PHACTR2: variants seen among roughly 807,000 people sequenced by gnomAD.
PHACTR2 encodes the protein chromosome 6 open reading frame 56.
In PHACTR2, 30 loss-of-function variants were observed where a neutral mutation model predicts 76.0. The ratio of observed to expected loss-of-function variants is 0.39; its 90% CI spans 0.30 to 0.54. The LOEUF (loss-of-function observed/expected upper bound fraction) is 0.54. PHACTR2 is among the 20% of genes least tolerant of loss of function. The pLI is 0.61. For missense variants in PHACTR2, 696 were observed against 781.1 expected, an observed-to-expected ratio of 0.89 and a Z score of 1.30; for synonymous variants, 292 against 292.5, an observed-to-expected ratio of 1.00 and a Z score of 0.02.
intron 12 of PHACTR2, among the ~76,000 whole-genome samples, chr6:143,810,946 T>C (rs1291381553): frequency 6.6e-6 from 1 of 152,242 alleles, no homozygotes; most frequent in African/African-American, 2.4e-5. Flanking sequence ...TATGTTGCAA[T>C]ATTTTTTCCA....
Position 143,776,395 on chromosome 6 carries a change from A to T in PHACTR2, c.1590-933A>T, listed in dbSNP as rs955178667. On this transcript the variant is annotated intron_variant, in intron 8 of 12. Transcript: ENST00000440869. This position sits in a 1 kb window ranked among gnomAD's most constrained non-coding sequence, Gnocchi z 5.3. ...CAGCAGGTTTGCTTGATGTAAGATT[A>T]ACCTATAAAAATCAACATTATGTTT... Among the ~76,000 whole-genome samples, 1 of 152,364 alleles carries T rather than the reference A, an allele frequency of 6.6e-6. No homozygotes were observed. Among genetic ancestry groups the T allele is most frequent in the South Asian group, 2.1e-4 (1 of 4,828 alleles).
intron 1 of PHACTR2, among the ~76,000 whole-genome samples, chr6:143,685,148 G>A (rs1195868511): frequency 6.6e-6 from 1 of 151,630 alleles, no homozygotes; most frequent in Non-Finnish European, 1.5e-5. Context: ...TACAGACTAG[G>A]GCTATTTCAA....
At position 143,772,177 on chromosome 6, in the gene PHACTR2, A is replaced by T; in HGVS notation, c.1233-81A>T. 1.1e-6 allele frequency: 1 copy of T among 918,848 alleles called. No homozygotes were observed. Among genetic ancestry groups the T allele is most frequent in the Non-Finnish European group, 1.8e-6 (1 of 554,490 alleles). 56.9% of individuals were successfully genotyped at this position (918,848 alleles called of 1,614,324 possible). On this transcript the variant is annotated intron_variant, in intron 6 of 12. Coordinates refer to ENST00000440869, the MANE Select transcript of PHACTR2 (RefSeq NM_001100164.2). The surrounding 1 kb of genome is among the most constrained non-coding windows in gnomAD (Gnocchi z 5.4). ...CAGCCTGAAGGAAGCCCATGAAACT[A>T]GAGCTCTTTTTCTTAGTGTCAGTGC...
At chr6:143,572,527 G>GT (rs1433901324) in intron 1 of PHACTR2, among the ~76,000 whole-genome samples, 1 of 151,686 alleles carries the variant, frequency 6.6e-6, no homozygotes, top group Non-Finnish European at 1.5e-5. Context: ...TTGTTTGTTT[G>GT]TTTTTTTGTT....
Position 143,641,985 on chromosome 6 carries a change from G to C in PHACTR2, c.13+33663G>C, listed in dbSNP as rs2128444232. On this transcript the variant is annotated intron_variant, in intron 1 of 11. Transcript: ENST00000305766. This position sits in a 1 kb window ranked among gnomAD's most constrained non-coding sequence, Gnocchi z 5.8. ...AATCGTGTTTGTCCCACTCATGCAT[G>C]GCCAACAGCTACATAGAGGTGAATT... Among the ~76,000 whole-genome samples the C allele has an allele frequency of 6.6e-6, 1 of 152,210 alleles. No individual in the cohort carries two copies. The highest frequency in any genetic ancestry group is 2.1e-4 in the South Asian group (1 of 4,822).
chr6:143,738,972 C>G lies in PHACTR2; in HGVS notation c.215-10013C>G, dbSNP rs374965693. Among the ~76,000 whole-genome samples, 4 of 152,314 alleles carry G rather than the reference C, an allele frequency of 2.6e-5. No homozygotes were observed. The highest frequency in any genetic ancestry group is 9.6e-5 in the African/African-American group (4 of 41,566). Reference sequence around the variant, plus strand: ...GAAGGGTGTTAGAAGTTCAGGCTCTCTGGAGCTTCTCTTCCAATGGCTATT... The same window carrying G: ...GAAGGGTGTTAGAAGTTCAGGCTCTGTGGAGCTTCTCTTCCAATGGCTATT... On this transcript the variant is annotated intron_variant, in intron 2 of 12. Coordinates refer to ENST00000440869, the MANE Select transcript of PHACTR2 (RefSeq NM_001100164.2). The surrounding 1 kb of genome is among the most constrained non-coding windows in gnomAD (Gnocchi z 4.0).
chr6:143,607,027 C>G (rs1775885408), upstream of PHACTR2, among the ~76,000 whole-genome samples: 1 of 152,132 alleles, frequency 6.6e-6, no homozygotes, highest in Non-Finnish European at 1.5e-5. Context: ...ATACTTAAAC[C>G]TAGAAGCTGT....
At position 143,663,089 on chromosome 6, in the gene PHACTR2, C is replaced by T. The variant is rs868504244; in HGVS notation, c.14-48927C>T. Among the ~76,000 whole-genome samples, 5 of 152,070 alleles carry T rather than the reference C, an allele frequency of 3.3e-5. No individual in the cohort carries two copies. Among genetic ancestry groups the T allele is most frequent in the Non-Finnish European group, 5.9e-5 (4 of 68,004 alleles). On this transcript the variant is annotated intron_variant, in intron 1 of 11. Transcript: ENST00000305766. This position sits in a 1 kb window ranked among gnomAD's most constrained non-coding sequence, Gnocchi z 4.1. ...AATATTCCCTGGTGTATTTGTACCA[C>T]GTTTTCTCTAGCCAGGCCCCCACTA...
intron 1 of PHACTR2, among the ~76,000 whole-genome samples, chr6:143,609,476 T>C (rs962354507): frequency 1.3e-5 from 2 of 152,132 alleles, no homozygotes; most frequent in African/African-American, 4.8e-5. Flanking sequence ...TGTGTAGTAG[T>C]AGCAGGAGTG....
chr6:143,649,363 C>T (rs1776716860), intron 1 of PHACTR2, among the ~76,000 whole-genome samples: 1 of 152,138 alleles, frequency 6.6e-6, no homozygotes, highest in African/African-American at 2.4e-5. Context: ...CATCCTGATA[C>T]CAAAACCTGG....
intron 2 of PHACTR2, among the ~76,000 whole-genome samples, chr6:143,726,514 C>G (rs1037758332): frequency 2.6e-5 from 4 of 152,288 alleles, no homozygotes; most frequent in African/African-American, 9.6e-5. Flanking sequence ...TAAGTGGACT[C>G]AGATAGTATT....
chr6:143,806,985 T>C lies in PHACTR2; in HGVS notation c.1846-72T>C. The stretch of plus-strand genomic sequence containing the variant: ...AAAAAAAAAAAAAGGTCTGCTTCAT[T>C]GATGCTGTATATACTGGGGCAATAT... On this transcript the variant is annotated intron_variant, in intron 11 of 12. Coordinates refer to ENST00000440869, the MANE Select transcript of PHACTR2 (RefSeq NM_001100164.2). The surrounding 1 kb of genome is among the most constrained non-coding windows in gnomAD (Gnocchi z 5.8). 2.7e-6 allele frequency: 2 copies of C among 753,498 alleles called. No homozygotes were observed. Among genetic ancestry groups the C allele is most frequent in the South Asian group, 1.8e-5 (1 of 56,644 alleles). 46.7% of individuals were successfully genotyped at this position (753,498 alleles called of 1,614,324 possible). A position where few individuals can be genotyped will look rare whatever the true frequency, so the allele number is the denominator to read the frequency against.
chr6:143,781,249 G>C (rs1219441800), intron 9 of PHACTR2, among the ~76,000 whole-genome samples: 2 of 152,192 alleles, frequency 1.3e-5, no homozygotes, highest in African/African-American at 4.8e-5. Flanking sequence ...TGTCAAAAAT[G>C]AATTCAATTC....
At position 143,546,868 on chromosome 6, in the gene PHACTR2, A is replaced by T. The variant is rs143102564; in HGVS notation, c.217+9661A>T. 4.6e-3 allele frequency among the ~76,000 whole-genome samples: 679 copies of T among 148,946 alleles called. 7 individuals are homozygous for T. The highest frequency in any genetic ancestry group is 0.01 in the Middle Eastern group (3 of 292). ...TAGTGAGACCCCATCTCAAAAAAAA[A>T]AAAAATAAAAAATAAAAAATTAGCC... On this transcript the variant is annotated intron_variant, in intron 1 of 11. Transcript: ENST00000367584. The surrounding 1 kb of genome is among the most constrained non-coding windows in gnomAD (Gnocchi z 4.9).
intron 1 of PHACTR2, among the ~76,000 whole-genome samples, chr6:143,582,010 G>A (rs1010317775): frequency 1.3e-5 from 2 of 152,126 alleles, no homozygotes; most frequent in Non-Finnish European, 2.9e-5. Flanking sequence ...ACAAAAGGCT[G>A]TACCGTCAAT....
At position 143,822,034 on chromosome 6, in the gene PHACTR2, G is replaced by A. The variant is rs139922692; in HGVS notation, c.1923-1640G>A. Among the ~76,000 whole-genome samples, 798 of 152,202 alleles carry A rather than the reference G, an allele frequency of 5.2e-3. 5 individuals carry two copies. Among genetic ancestry groups the A allele is most frequent in the African/African-American group, 0.018 (741 of 41,528 alleles). On this transcript the variant is annotated intron_variant, in intron 12 of 12. Coordinates refer to ENST00000440869, the MANE Select transcript of PHACTR2 (RefSeq NM_001100164.2). This position sits in a 1 kb window ranked among gnomAD's most constrained non-coding sequence, Gnocchi z 5.5. ...ACCCACCCTGCAAAAAGTAGGTAGA[G>A]GAAAGGGCATTAGCGCAAAAGCCTT... is the stretch of plus-strand genomic sequence containing the variant.
rs889007203 is a variant in PHACTR2 at position 143,541,857 on chromosome 6, T to G, written c.217+4650T>G. On this transcript the variant is annotated intron_variant, in intron 1 of 11. Transcript: ENST00000367584. The surrounding 1 kb of genome is among the most constrained non-coding windows in gnomAD (Gnocchi z 5.3). Reference sequence around the variant, plus strand: ...CCCTTGCTGGTGCTTCTACTATGTTTCTTACTGACCTCCAAGGTTGTAACT... The same window carrying G: ...CCCTTGCTGGTGCTTCTACTATGTTGCTTACTGACCTCCAAGGTTGTAACT... Among the ~76,000 whole-genome samples the G allele has an allele frequency of 4.6e-5, 7 of 152,218 alleles. No homozygotes were observed. The highest frequency in any genetic ancestry group is 1.4e-4 in the African/African-American group (6 of 41,444).
chr6:143,734,347 C>G (rs1256297313), intron 2 of PHACTR2, among the ~76,000 whole-genome samples: 1 of 152,120 alleles, frequency 6.6e-6, no homozygotes, highest in Non-Finnish European at 1.5e-5. Flanking sequence ...GAGGAGTCTC[C>G]CTTGCTTCCT....
rs1159806356 is a variant in PHACTR2 at position 143,776,957 on chromosome 6, A to G, written c.1590-371A>G. On this transcript the variant is annotated intron_variant, in intron 8 of 12. Coordinates refer to ENST00000440869, the MANE Select transcript of PHACTR2 (RefSeq NM_001100164.2). This position sits in a 1 kb window ranked among gnomAD's most constrained non-coding sequence, Gnocchi z 5.3. ...AAAAAGGAAAGAGAAAGAAGGGAGC[A>G]TGCACCCAGGCATTTTAAGGATGAG... Among the ~76,000 whole-genome samples, 1 of 152,228 alleles carries G rather than the reference A, an allele frequency of 6.6e-6. No homozygotes were observed. Among genetic ancestry groups the G allele is most frequent in the Non-Finnish European group, 1.5e-5 (1 of 68,048 alleles).
Sources: gnomAD v4.1 joint callset for allele counts (sites outside exome capture counted in the v4.1 genomes callset) on GRCh38, gnomAD v4.1.1 for gene constraint, Gnocchi (gnomAD v3.1) non-coding constraint, MANE v1.5 for transcripts, NCBI Gene and HGNC (gene_info 2026-07-23, HGNC 2026-07-21) for gene names.